PIK3R5: variants seen among roughly 807,000 people sequenced by gnomAD.
The protein encoded by PIK3R5 is phosphoinositide-3-kinase regulatory subunit 5.
In PIK3R5, 32 loss-of-function variants were observed where a neutral mutation model predicts 94.9. That is an observed-to-expected ratio of 0.34 (90% CI 0.25 to 0.45). PIK3R5 has a LOEUF of 0.45. PIK3R5 is among the 20% of genes least tolerant of loss of function. The pLI is 1.00. For synonymous variants in PIK3R5, 443 were observed against 479.4 expected, an observed-to-expected ratio of 0.92 and a Z score of 0.99; for missense variants, 853 against 1,144.6, an observed-to-expected ratio of 0.75 and a Z score of 3.68.
In PIK3R5 at chr17:8,889,848, G is replaced by A; in HGVS notation, c.811+125C>T. 1 of 946,690 alleles carries A rather than the reference G, an allele frequency of 1.1e-6. No individual in the cohort carries two copies. Among genetic ancestry groups the A allele is most frequent in the Non-Finnish European group, 1.6e-6 (1 of 614,608 alleles). The allele number at this position is 946,690 out of a possible 1,614,324, so 58.6% of individuals were successfully genotyped here. On this transcript the variant is annotated intron_variant, in intron 8 of 18. Transcript: ENST00000447110. This position sits in a 1 kb window ranked among gnomAD's most constrained non-coding sequence, Gnocchi z 4.1. Reference sequence around the variant, plus strand: ...GGGGATGGCAGAGCAGTGAGATGCTGAAGAAGCTGAGTCCCTGAGTGACTG... The same window carrying A: ...GGGGATGGCAGAGCAGTGAGATGCTAAAGAAGCTGAGTCCCTGAGTGACTG...
intron 13 of PIK3R5, 69 bp from the exon 14 acceptor site, chr17:8,886,391 A>G: frequency 6.3e-7 from 1 of 1,595,384 alleles, no homozygotes. Context: ...CCTCCAGCAT[A>G]GACCTGCTGG....
At chr17:8,900,898 C>A (rs759869033) in intron 5 of PIK3R5, among the ~76,000 whole-genome samples, 1 of 152,176 alleles carries the variant, frequency 6.6e-6, no homozygotes, top group African/African-American at 2.4e-5. Context: ...GGTCTCCCCA[C>A]AGGTAATCCC....
At chr17:8,899,361 G>A (rs574800390) in intron 5 of PIK3R5, among the ~76,000 whole-genome samples, 2 of 152,278 alleles carry the variant, frequency 1.3e-5, no homozygotes, top group East Asian at 1.9e-4. Context: ...ACCTCCCCAC[G>A]TCCCTTCTCA....
intron 5 of PIK3R5, among the ~76,000 whole-genome samples, chr17:8,903,272 T>C (rs963770397): frequency 2.6e-5 from 4 of 151,838 alleles, no homozygotes; most frequent in Non-Finnish European, 5.9e-5. Flanking sequence ...TAATTTTGTA[T>C]ATTTAATATA....
chr17:8,900,979 C>G (rs1363312254), intron 5 of PIK3R5, among the ~76,000 whole-genome samples: 2 of 152,096 alleles, frequency 1.3e-5, no homozygotes, highest in Non-Finnish European at 2.9e-5. Flanking sequence ...TGGTGGAAAC[C>G]CAACGCCCTG....
At chr17:8,929,095 A>G (rs991778363) in intron 1 of PIK3R5, among the ~76,000 whole-genome samples, 1 of 152,244 alleles carries the variant, frequency 6.6e-6, no homozygotes, top group African/African-American at 2.4e-5. Context: ...ACAAATAGAT[A>G]TATATAAAAG....
At position 8,882,968 on chromosome 17, in the gene PIK3R5, G is replaced by C. The variant is rs1219263873; in HGVS notation, c.2206-1087C>G. On this transcript the variant is annotated intron_variant, in intron 15 of 18. Coordinates refer to ENST00000447110, the MANE Select transcript of PIK3R5 (RefSeq NM_001142633.3). The surrounding 1 kb of genome is among the most constrained non-coding windows in gnomAD (Gnocchi z 4.1). ...CTATCTGTCCTCCACAGAGCTGCCA[G>C]AGGGAGCTTCCAAGCCTCAGATATA... is the stretch of plus-strand genomic sequence containing the variant. 1.3e-5 allele frequency among the ~76,000 whole-genome samples: 2 copies of C among 152,224 alleles called. No homozygotes were observed. The highest frequency in any genetic ancestry group is 2.4e-5 in the African/African-American group (1 of 41,448).
chr17:8,887,531 G>A lies in PIK3R5; in HGVS notation c.1769C>T (p.Ala590Val). ...PSPPTDSPRH[A>V]SPGELGTTPW... ...AGGCTGGGGACATACTCCAGGGCTG[G>A]CGTGCCTAGGGGAGTCTGTCGGGGG... The change falls in exon 11 of 19, where the codon GCC (alanine) becomes GTC (valine). Residue 590 changes from alanine (A) to valine (V), a missense_variant. Around this residue, in one of 6 missense-constraint regions of PIK3R5, gnomAD observed 319 missense variants for 339.8 expected, o/e 0.94. Transcript: ENST00000447110. The A allele has an allele frequency of 6.2e-7, 1 of 1,605,672 alleles. No individual in the cohort carries two copies.
chr17:8,927,348 C>T (rs945441089), intron 1 of PIK3R5, among the ~76,000 whole-genome samples: 5 of 152,234 alleles, frequency 3.3e-5, no homozygotes, highest in African/African-American at 4.8e-5. Flanking sequence ...GACTTCCACC[C>T]TGGCCAGGCC....
chr17:8,906,518 T>C (rs1450873165), intron 3 of PIK3R5, among the ~76,000 whole-genome samples: 2 of 152,212 alleles, frequency 1.3e-5, no homozygotes, highest in Non-Finnish European at 2.9e-5. Flanking sequence ...GGATTTTTGC[T>C]TTTGCATGCA....
Position 8,942,767 on chromosome 17 carries a change from G to A in PIK3R5, c.-14+22829C>T, listed in dbSNP as rs531695308. ...ACTACAGGCGTCCGCCACCACGCCC[G>A]GCTAATTTTTTGTATTTTTTAGTAG... On this transcript the variant is annotated intron_variant, in intron 1 of 18. Transcript: ENST00000447110. Among the ~76,000 whole-genome samples the A allele has an allele frequency of 4.6e-5, 7 of 152,072 alleles. No individual in the cohort carries two copies. The East Asian group carries it at 9.7e-4, about 21-fold the overall frequency.
At chr17:8,921,433 T>C (rs1257808102) in intron 1 of PIK3R5, among the ~76,000 whole-genome samples, 2 of 152,224 alleles carry the variant, frequency 1.3e-5, no homozygotes, top group African/African-American at 4.8e-5. Flanking sequence ...AATTATAGCT[T>C]TGCCAATTAT....
intron 1 of PIK3R5, among the ~76,000 whole-genome samples, chr17:8,947,946 A>G (rs1328318059): frequency 1.3e-5 from 2 of 151,264 alleles, no homozygotes; most frequent in Non-Finnish European, 3.0e-5. Flanking sequence ...GGGAGGCTGA[A>G]GCAAGAGAAT....
At position 8,925,492 on chromosome 17, in the gene PIK3R5, ATAG is replaced by A. The variant is rs1401855420; in HGVS notation, c.-13-13988_-13-13986del. Among the ~76,000 whole-genome samples, 2 of 151,286 alleles carry A rather than the reference ATAG, an allele frequency of 1.3e-5. 1 individual carries two copies. Among genetic ancestry groups the A allele is most frequent in the African/African-American group, 4.9e-5 (2 of 40,814 alleles). ...TGATAGATAGATAGTAGATGGATAG[ATAG>A]TAGATGGATAGATAGTAGATGGATA... On this transcript the variant is annotated intron_variant, in intron 1 of 18. Transcript: ENST00000447110. This position sits in a 1 kb window ranked among gnomAD's most constrained non-coding sequence, Gnocchi z 5.1.
intron 1 of PIK3R5, among the ~76,000 whole-genome samples, chr17:8,928,230 A>G (rs1483939163): frequency 1.3e-5 from 2 of 152,202 alleles, no homozygotes; most frequent in African/African-American, 4.8e-5. Flanking sequence ...GGGCTGAAAA[A>G]CTACTTGAAG....
At position 8,889,982 on chromosome 17, in the gene PIK3R5, C is replaced by A; in HGVS notation, c.802G>T (p.Gly268Trp). The change falls in exon 8 of 19, where the codon GGG becomes TGG. Residue 268 changes from glycine (G) to tryptophan (W), a missense_variant. This residue lies in a region of PIK3R5 where 161 missense variants were observed against 249.5 expected (regional missense o/e 0.65). Transcript: ENST00000447110. The surrounding 1 kb of genome is among the most constrained non-coding windows in gnomAD (Gnocchi z 4.1). ...QAVGEKAGFP[G>W]VLDTAKPGKL... The stretch of plus-strand genomic sequence containing the variant: ...CTCCCAAGAGCCTCACCTAACACCC[C>A]AGGGAAGCCAGCTTTTTCTCCCACC... 6.2e-7 allele frequency: 1 copy of A among 1,613,780 alleles called. No homozygotes were observed. Among genetic ancestry groups the A allele is most frequent in the Middle Eastern group, 1.7e-4 (1 of 6,050 alleles).
At position 8,909,294 on chromosome 17, in the gene PIK3R5, CTCTT is replaced by C. The variant is rs2090471537; in HGVS notation, c.104-124_104-121del. ...TTTTCTGTGGTATTGCACTGGAACA[CTCTT>C]TTTTTTTTTTGAGACAGAGTCTTGC... is the stretch of plus-strand genomic sequence containing the variant. On this transcript the variant is annotated intron_variant, in intron 2 of 18. Transcript: ENST00000447110. This position sits in a 1 kb window ranked among gnomAD's most constrained non-coding sequence, Gnocchi z 4.3. 4 of 620,654 alleles carry C rather than the reference CTCTT, an allele frequency of 6.4e-6. No homozygotes were observed. Among genetic ancestry groups the C allele is most frequent in the South Asian group, 3.8e-5 (2 of 53,174 alleles). The allele number at this position is 620,654 out of a possible 1,614,324, so 38.4% of individuals were successfully genotyped here. A position where few individuals can be genotyped will look rare whatever the true frequency, so the allele number is the denominator to read the frequency against.
chr17:8,891,676 A>G (rs1426879819), intron 6 of PIK3R5, among the ~76,000 whole-genome samples: 1 of 150,002 alleles, frequency 6.7e-6, no homozygotes, highest in African/African-American at 2.5e-5. Context: ...AGCTCACTGC[A>G]AGCCCCGCCT....
intron 11 of PIK3R5, 133 bp from the exon 12 acceptor site, chr17:8,887,354 G>T: frequency 7.2e-7 from 1 of 1,385,938 alleles, no homozygotes; most frequent in Non-Finnish European, 9.9e-7. Flanking sequence ...ACAACTTTCA[G>T]TCTTTGTCAT....
Sources: gnomAD v4.1 joint callset for allele counts (sites outside exome capture counted in the v4.1 genomes callset) on GRCh38, gnomAD v4.1.1 for gene constraint, gnomAD v4.1.1 regional missense constraint, Gnocchi (gnomAD v3.1) non-coding constraint, MANE v1.5 for transcripts, NCBI Gene and HGNC (gene_info 2026-07-23, HGNC 2026-07-21) for gene names.